The following SCN2A variants were observed in gnomAD, a reference collection of about 807,000 sequenced individuals.
The protein encoded by SCN2A is sodium channel protein type 2 subunit alpha.
Under a neutral mutation model 188.7 loss-of-function variants are expected in SCN2A, and 20 were observed. The ratio of observed to expected loss-of-function variants is 0.11; its 90% CI spans 0.07 to 0.15. The LOEUF (loss-of-function observed/expected upper bound fraction) is 0.15. SCN2A is among the 10% of genes least tolerant of loss of function. SCN2A has a pLI of 1.00. For missense variants in SCN2A, 1,278 were observed against 2,445.0 expected (o/e 0.52, Z 10.07); for synonymous variants, 804 against 833.1 (o/e 0.97, Z 0.60).
At chr2:165,340,441 T>A (rs575501702) in intron 14 of SCN2A, among the ~76,000 whole-genome samples, 1 of 152,188 alleles carries the variant, frequency 6.6e-6, no homozygotes, top group African/African-American at 2.4e-5. Context: ...TTCCATTTAC[T>A]GAGTTAGCAA....
At chr2:165,347,097 T>C (rs1362436260) in intron 16 of SCN2A, among the ~76,000 whole-genome samples, 2 of 152,210 alleles carry the variant, frequency 1.3e-5, no homozygotes, top group Non-Finnish European at 2.9e-5. Context: ...ACTGGGTATA[T>C]ACCCAAAGGG....
chr2:165,270,578 G>T (rs539000567), intron 1 of SCN2A: 3 of 151,996 alleles, frequency 2.0e-5, no homozygotes, highest in Non-Finnish European at 4.4e-5. Context: ...CGCCCTTTCT[G>T]TATAAAATCT....
intron 17 of SCN2A, among the ~76,000 whole-genome samples, chr2:165,360,654 A>G (rs1309693751): frequency 2.6e-5 from 4 of 151,936 alleles, no homozygotes; most frequent in African/African-American, 4.8e-5. Context: ...TTGTCCTGGC[A>G]TCCTTATTTT....
intron 3 of SCN2A, among the ~76,000 whole-genome samples, chr2:165,300,953 C>T (rs1337256634): frequency 6.6e-6 from 1 of 152,088 alleles, no homozygotes; most frequent in East Asian, 1.9e-4. Flanking sequence ...GGCAAGAGAG[C>T]ATGGTGGCTT....
intron 1 of SCN2A, chr2:165,272,281 TG>T (rs1336072947): frequency 2.0e-5 from 3 of 151,978 alleles, no homozygotes; most frequent in Admixed American, 1.3e-4. Context: ...GTCATTTTAT[TG>T]GGGAAAAAAA....
chr2:165,282,591 C>CT (rs1008983628), intron 1 of SCN2A, among the ~76,000 whole-genome samples: 21 of 152,074 alleles, frequency 1.4e-4, no homozygotes, highest in African/African-American at 4.6e-4. Flanking sequence ...GTGTCTTCCT[C>CT]TTTTTTTTAG....
At chr2:165,250,349 T>C (rs1694030474) in intron 1 of SCN2A, among the ~76,000 whole-genome samples, 1 of 152,058 alleles carries the variant, frequency 6.6e-6, no homozygotes, top group Non-Finnish European at 1.5e-5. Context: ...CAACTGCCTT[T>C]AATAGCTTTT....
chr2:165,300,561 G>A (rs1163333533), intron 3 of SCN2A, among the ~76,000 whole-genome samples: 1 of 152,156 alleles, frequency 6.6e-6, no homozygotes, highest in East Asian at 1.9e-4. Flanking sequence ...AAGCAAAAGA[G>A]TGAGATATGG....
Position 165,261,860 on chromosome 2 carries a change from G to C in SCN2A, c.-52+22220G>C, listed in dbSNP as rs1310573851. On this transcript the variant is annotated intron_variant, in intron 1 of 26. Transcript: ENST00000375437. ...AAGAGTATAATTTACTGTGGCTCTG[G>C]GTATTGATTAATCTATACAATGAAA... 2.0e-5 allele frequency among the ~76,000 whole-genome samples: 3 copies of C among 152,026 alleles called. No homozygotes were observed. In the East Asian group the frequency reaches 5.8e-4, roughly 29 times the overall value.
chr2:165,369,526 C>T (rs990772057), intron 19 of SCN2A, among the ~76,000 whole-genome samples: 1 of 152,082 alleles, frequency 6.6e-6, no homozygotes, highest in African/African-American at 2.4e-5. Flanking sequence ...ATAATTTTTC[C>T]GATAAGAAGA....
chr2:165,283,872 A>T (rs1695700421), intron 1 of SCN2A, among the ~76,000 whole-genome samples: 1 of 152,168 alleles, frequency 6.6e-6, no homozygotes, highest in South Asian at 2.1e-4. Flanking sequence ...ATACACCCTG[A>T]TCACTCCCAC....
intron 21 of SCN2A, among the ~76,000 whole-genome samples, chr2:165,373,551 G>C (rs987778259): frequency 5.3e-5 from 8 of 152,106 alleles, no homozygotes; most frequent in African/African-American, 1.9e-4. Context: ...TTGCCAGAGG[G>C]ATTGTTTCTG....
rs1042782392 is a variant in SCN2A, at chr2:165,345,031, C to T, written c.2919+120C>T. 2.4e-6 allele frequency: 3 copies of T among 1,246,938 alleles called. No homozygotes were observed. In the African/African-American group the frequency reaches 4.5e-5, roughly 19 times the overall value. 77.2% of individuals were successfully genotyped at this position (1,246,938 alleles called of 1,614,324 possible). A position where few individuals can be genotyped will look rare whatever the true frequency, so the allele number is the denominator to read the frequency against. On this transcript the variant is annotated intron_variant, in intron 16 of 26. Transcript: ENST00000375437. ...CAAGGCCACTTCCTATTGTCTATTA[C>T]TCATGACTGTAAGAGCCATGTATAG...
intron 1 of SCN2A, among the ~76,000 whole-genome samples, chr2:165,263,313 C>T (rs976175467): frequency 6.6e-6 from 1 of 151,990 alleles, no homozygotes; most frequent in Non-Finnish European, 1.5e-5. Flanking sequence ...TTTGCCCAAG[C>T]CAATGTCTAG....
At chr2:165,284,085 C>G (rs353131) in intron 1 of SCN2A, among the ~76,000 whole-genome samples, 80,754 of 151,828 alleles carry the variant, frequency 0.53, 22,093 homozygotes, top group Non-Finnish European at 0.57. Context: ...GTCTGTTTTT[C>G]TCTCTCTCTC....
chr2:165,306,306 C>G (rs1488583140), intron 3 of SCN2A, among the ~76,000 whole-genome samples: 1 of 152,052 alleles, frequency 6.6e-6, no homozygotes, highest in East Asian at 1.9e-4. Flanking sequence ...TGTTGAGGAC[C>G]ACTGAGGTTT....
intron 11 of SCN2A, among the ~76,000 whole-genome samples, chr2:165,318,112 C>T (rs1697862739): frequency 1.3e-5 from 2 of 152,054 alleles, no homozygotes; most frequent in South Asian, 4.2e-4. Context: ...GTTTGAGACC[C>T]CAAAATATTA....
intron 12 of SCN2A, among the ~76,000 whole-genome samples, chr2:165,325,244 G>A (rs983592298): frequency 6.6e-6 from 1 of 152,168 alleles, no homozygotes; most frequent in Non-Finnish European, 1.5e-5. Flanking sequence ...GAGATGATGG[G>A]ACAAATCGCT....
intron 1 of SCN2A, among the ~76,000 whole-genome samples, chr2:165,291,525 T>TCTC (rs1696182658): frequency 1.7e-5 from 1 of 58,604 alleles, no homozygotes; most frequent in Non-Finnish European, 3.1e-5. Context: ...CTCTCCTTTC[T>TCTC]TTCCTTCCTT....
Sources: allele counts gnomAD v4.1 joint callset (sites outside exome capture counted in the v4.1 genomes callset), GRCh38; gene constraint gnomAD v4.1.1; transcripts MANE v1.5; gene names NCBI Gene and HGNC (gene_info 2026-07-23, HGNC 2026-07-21).